COL5A1: variants seen among roughly 807,000 people sequenced by gnomAD.
COL5A1 encodes the protein collagen type V alpha 1 chain.
COL5A1 carries 16 observed loss-of-function variants against 263.7 expected under a neutral mutation model. The ratio of observed to expected loss-of-function variants is 0.06; its 90% confidence interval spans 0.04 to 0.09. The LOEUF (loss-of-function observed/expected upper bound fraction) is 0.09, where lower values mean the gene tolerates loss of function less well. Ranked by LOEUF, COL5A1 falls within the 10% of genes least tolerant of loss-of-function variation. The pLI, the probability that COL5A1 is intolerant of heterozygous loss-of-function variation, is 1.00. For synonymous variants in COL5A1, 1,012 were observed against 1,004.5 expected (o/e 1.01, Z -0.14); for missense variants, 2,036 against 2,540.5 (o/e 0.80, Z 4.27).
Position 134,762,060 on chromosome 9 carries a change from C to T in COL5A1, c.1989+82C>T, listed in dbSNP as rs1050388144. ...GGGCAGGAAAACCACAGAAGAGAGG[C>T]CCAGGTGTGGGATTGGCCTGCCGCA... On this transcript the variant is annotated intron_variant, in intron 19 of 65. Coordinates refer to ENST00000371817, the MANE Select transcript of COL5A1 (RefSeq NM_000093.5). 8.2e-6 allele frequency: 12 copies of T among 1,466,886 alleles called. No individual in the cohort carries two copies. The East Asian group carries it at 2.7e-4, about 33-fold the overall frequency. The allele number at this position is 1,466,886 out of a possible 1,614,324, so 90.9% of individuals were successfully genotyped here.
intron 1 of COL5A1, among the ~76,000 whole-genome samples, chr9:134,645,388 T>C (rs757884040): frequency 2.0e-5 from 3 of 152,098 alleles, no homozygotes; most frequent in Non-Finnish European, 4.4e-5. Flanking sequence ...TAGACCTTGA[T>C]AGGTGGAGTA....
intron 1 of COL5A1, among the ~76,000 whole-genome samples, chr9:134,659,005 G>C (rs1022522980): frequency 3.9e-5 from 6 of 152,190 alleles, no homozygotes; most frequent in Non-Finnish European, 8.8e-5. Flanking sequence ...TATCCCGATG[G>C]CCTCTGTGTA....
At chr9:134,744,777 A>T (rs762754184) in intron 11 of COL5A1, among the ~76,000 whole-genome samples, 2 of 151,808 alleles carry the variant, frequency 1.3e-5, no homozygotes, top group African/African-American at 2.4e-5. Context: ...TCACTCATAC[A>T]TGCACACACA....
intron 2 of COL5A1, among the ~76,000 whole-genome samples, chr9:134,695,596 C>T (rs915351268): frequency 6.6e-6 from 1 of 152,178 alleles, no homozygotes; most frequent in African/African-American, 2.4e-5. Context: ...GCTCCCCACT[C>T]CCCTGTACCC....
chr9:134,798,439 A>T lies in COL5A1; in HGVS notation c.2930A>T (p.His977Leu). ...GPPGKDGLPGHPGQRGETGFQ... is the reference protein window; with the variant it reads ...GPPGKDGLPGLPGQRGETGFQ... Reference sequence around the variant, plus strand: ...CCAGGCAAGGATGGACTCCCAGGACACCCTGGACAGAGAGGCGAGACTGTG... The same window carrying T: ...CCAGGCAAGGATGGACTCCCAGGACTCCCTGGACAGAGAGGCGAGACTGTG... The change falls in exon 37 of 66, where the codon CAC becomes CTC. Residue 977 changes from histidine (H) to leucine (L), a missense_variant. By Grantham distance (99) the His-to-Leu change is moderately conservative (BLOSUM62 -3). Coordinates refer to ENST00000371817, the MANE Select transcript of COL5A1 (RefSeq NM_000093.5). 1 of 1,614,062 alleles carries T rather than the reference A, an allele frequency of 6.2e-7. No homozygotes were observed. Among genetic ancestry groups the T allele is most frequent in the Non-Finnish European group, 8.5e-7 (1 of 1,179,964 alleles).
Position 134,681,859 on chromosome 9 carries a change from C to G in COL5A1, c.110-9053C>G, listed in dbSNP as rs1007960766. ...ACTTTGGGGCCTGCAGAAACCTCCC[C>G]TCTCTTCCTCGCTCTTCCTCTCTTT... is the stretch of plus-strand genomic sequence containing the variant. On this transcript the variant is annotated intron_variant, in intron 1 of 65. Transcript: ENST00000371817. The surrounding 1 kb of genome is among the most constrained non-coding windows in gnomAD (Gnocchi z 4.3). Among the ~76,000 whole-genome samples, 4 of 152,272 alleles carry G rather than the reference C, an allele frequency of 2.6e-5. No homozygotes were observed. Among genetic ancestry groups the G allele is most frequent in the Admixed American group, 2.6e-4 (4 of 15,290 alleles).
intron 9 of COL5A1, among the ~76,000 whole-genome samples, chr9:134,737,713 A>G (rs1835155703): frequency 6.6e-6 from 1 of 152,062 alleles, no homozygotes; most frequent in African/African-American, 2.4e-5. Flanking sequence ...TCCTGCAGGG[A>G]GCCGCTCCCA....
chr9:134,795,427 AGGCAGG>A, intron 34 of COL5A1, 112 bp downstream of exon 34: 1 of 894,948 alleles, frequency 1.1e-6, no homozygotes, highest in Non-Finnish European at 1.7e-6. Context: ...AAAAAAAAAA[AGGCAGG>A]ACATTTTCTT....
chr9:134,707,700 C>G (rs10858274), intron 4 of COL5A1, among the ~76,000 whole-genome samples: 61,208 of 152,098 alleles, frequency 0.4, 13,028 homozygotes, highest in Admixed American at 0.58. Flanking sequence ...GCCTTTGGAG[C>G]CTCTGGATCC....
At chr9:134,772,711 T>C (rs187332071) in intron 25 of COL5A1, 79 bp from the exon 26 acceptor site, 1 of 1,398,686 alleles carries the variant, frequency 7.1e-7, no homozygotes, top group Admixed American at 1.7e-5. Context: ...TGATCATGGA[T>C]GCTACGCAGG....
Position 134,839,243 on chromosome 9 carries a change from G to A in COL5A1, c.5371-2914G>A, listed in dbSNP as rs560448923. Among the ~76,000 whole-genome samples the A allele has an allele frequency of 9.8e-5, 15 of 152,326 alleles. No individual in the cohort carries two copies. The South Asian group carries it at 2.9e-3, about 29-fold the overall frequency. ...CCAGGCACCCCGCCGCATAAATCCTGGTGTTTGTGCAGCTTTCGGCGCCTC... is the reference window on the plus strand; with the variant it reads ...CCAGGCACCCCGCCGCATAAATCCTAGTGTTTGTGCAGCTTTCGGCGCCTC... On this transcript the variant is annotated intron_variant, in intron 65 of 65. Transcript: ENST00000371817.
rs893915968 is a variant in COL5A1, at chr9:134,757,406, G to A, written c.1881+588G>A. Among the ~76,000 whole-genome samples, 2 of 152,028 alleles carry A rather than the reference G, an allele frequency of 1.3e-5. No individual in the cohort carries two copies. The highest frequency in any genetic ancestry group is 2.9e-5 in the Non-Finnish European group (2 of 67,954). On this transcript the variant is annotated intron_variant, in intron 17 of 65. Transcript: ENST00000371817. The surrounding 1 kb of genome is among the most constrained non-coding windows in gnomAD (Gnocchi z 6.2). Reference sequence around the variant, plus strand: ...CTTGGAAGCATTTGTCCCAGGCCACGGGGGGCAGGGGAGATACTGACCTTC... The same window carrying A: ...CTTGGAAGCATTTGTCCCAGGCCACAGGGGGCAGGGGAGATACTGACCTTC...
intron 4 of COL5A1, 22 bp from the exon 5 acceptor site, chr9:134,727,244 A>T (rs1834696357): frequency 6.2e-7 from 1 of 1,612,768 alleles, no homozygotes; most frequent in Non-Finnish European, 8.5e-7. Context: ...CTGCTTTTTC[A>T]TGAGCGTCTC....
In COL5A1 at chr9:134,795,122, C is replaced by T. The variant is rs1837850648; in HGVS notation, c.2741C>T (p.Pro914Leu). The T allele has an allele frequency of 1.2e-6, 2 of 1,614,074 alleles. No individual in the cohort carries two copies. Among genetic ancestry groups the T allele is most frequent in the Non-Finnish European group, 1.7e-6 (2 of 1,180,018 alleles). Residue 914 changes from proline (P) to leucine (L), a missense_variant, in exon 33 of 66, where the codon CCA (proline) becomes CTA (leucine). Transcript: ENST00000371817. ...GKPGPRGQRG[P>L]TGPRGERGPR... ...CCAGGACCGCGGGGGCAGCGAGGCCCAACGGTAACCACCCTTTCAGCTTGT... is the reference window on the plus strand; with the variant it reads ...CCAGGACCGCGGGGGCAGCGAGGCCTAACGGTAACCACCCTTTCAGCTTGT...
chr9:134,738,378 C>G, intron 9 of COL5A1, 96 bp from the exon 10 acceptor site: 1 of 1,398,274 alleles, frequency 7.2e-7, no homozygotes, highest in Non-Finnish European at 1.0e-6. Flanking sequence ...GCCAGGGCCT[C>G]TTGTGCATGC....
At chr9:134,734,021 G>A (rs1254433931) in intron 9 of COL5A1, among the ~76,000 whole-genome samples, 3 of 152,120 alleles carry the variant, frequency 2.0e-5, no homozygotes, top group Admixed American at 6.5e-5. Flanking sequence ...TGGGAGGGCC[G>A]GACTGAAACC....
chr9:134,720,421 G>T (rs1269797861), intron 4 of COL5A1, among the ~76,000 whole-genome samples: 1 of 152,232 alleles, frequency 6.6e-6, no homozygotes, highest in Non-Finnish European at 1.5e-5. Context: ...CTGGTCTGTA[G>T]TTTGGAGCTT....
Position 134,754,320 on chromosome 9 carries a change from A to C in COL5A1, c.1821A>C (p.Gly607=), listed in dbSNP as rs1352060354. 1.2e-6 allele frequency: 2 copies of C among 1,613,886 alleles called. No homozygotes were observed. The highest frequency in any genetic ancestry group is 2.7e-5 in the African/African-American group (2 of 74,924). ...QGPPGPAGKP[G]RRGRAGSDGA... is the part of the protein sequence containing the mutation. ...CGCCTGGTCCGGCCGGGAAGCCCGG[A>C]AGACGGGTGAGTGGTGCGAGTGTGT... The change falls in exon 16 of 66, where the codon GGA becomes GGC. Residue 607 remains glycine (G), a synonymous_variant. Transcript: ENST00000371817. This position sits in a 1 kb window ranked among gnomAD's most constrained non-coding sequence, Gnocchi z 4.3.
rs147322579 is a variant in COL5A1 at position 134,661,325 on chromosome 9, C to T, written c.109+19029C>T. Among the ~76,000 whole-genome samples the T allele has an allele frequency of 1.1e-4, 16 of 151,810 alleles. No individual in the cohort carries two copies. The East Asian group carries it at 2.7e-3, about 26-fold the overall frequency. ...CTCAGCCATGTGTTGCTGAGCTTCA[C>T]ACAGCTGTTTGCACCACCCCAGATC... On this transcript the variant is annotated intron_variant, in intron 1 of 65. Coordinates refer to ENST00000371817, the MANE Select transcript of COL5A1 (RefSeq NM_000093.5).
Sources: gnomAD v4.1 joint callset for allele counts (sites outside exome capture counted in the v4.1 genomes callset) on GRCh38, gnomAD v4.1.1 for gene constraint, Gnocchi (gnomAD v3.1) non-coding constraint, MANE v1.5 for transcripts, NCBI Gene and HGNC (gene_info 2026-07-23, HGNC 2026-07-21) for gene names.